CNBD1: variants seen among roughly 807,000 people sequenced by gnomAD.
CNBD1 encodes the protein cyclic nucleotide-binding domain-containing protein 1.
In CNBD1, 71 loss-of-function variants were observed where a neutral mutation model predicts 54.4. That is an observed-to-expected ratio of 1.30 (90% CI 1.08 to 1.59). The LOEUF (loss-of-function observed/expected upper bound fraction) is 1.59. Ranked by LOEUF, CNBD1 falls within the 40% of genes most tolerant of loss-of-function variation. The pLI is 0.00. For missense variants in CNBD1, 659 were observed against 518.0 expected (o/e 1.27, Z -2.64); for synonymous variants, 182 against 170.7 (o/e 1.07, Z -0.51).
At chr8:87,146,072 C>A (rs1028397373) in intron 4 of CNBD1, among the ~76,000 whole-genome samples, 12 of 152,018 alleles carry the variant, frequency 7.9e-5, no homozygotes, top group African/African-American at 2.2e-4. Context: ...TTTTCGAATT[C>A]TTTTTCAATA....
intron 3 of CNBD1, among the ~76,000 whole-genome samples, chr8:86,933,889 A>G (rs777233087): frequency 1.3e-5 from 2 of 152,152 alleles, no homozygotes; most frequent in Non-Finnish European, 2.9e-5. Flanking sequence ...ACATTATTTT[A>G]TGTATCTCTA....
chr8:87,060,661 G>A (rs773751006), intron 4 of CNBD1, among the ~76,000 whole-genome samples: 2 of 152,098 alleles, frequency 1.3e-5, no homozygotes, highest in African/African-American at 2.4e-5. Context: ...CTAAGCTTGA[G>A]AGTGATAAAA....
At chr8:86,910,644 CAT>C (rs1183709563) in intron 3 of CNBD1, among the ~76,000 whole-genome samples, 5 of 152,104 alleles carry the variant, frequency 3.3e-5, no homozygotes, top group South Asian at 2.1e-4. Flanking sequence ...TAAGAAAAGA[CAT>C]AGATTTTTAA....
chr8:87,232,844 T>C lies in CNBD1; in HGVS notation c.578-4075T>C, dbSNP rs62528061. On this transcript the variant is annotated intron_variant, in intron 5 of 10. Transcript: ENST00000518476. ...TGAAGAAACTAAAAGAGAAGAGTCA[T>C]GTGAGATATTTGAATATTTATGCTT... Among the ~76,000 whole-genome samples, 1,209 of 152,240 alleles carry C rather than the reference T, an allele frequency of 7.9e-3. 6 individuals are homozygous for C. Among genetic ancestry groups the C allele is most frequent in the Non-Finnish European group, 0.014 (948 of 67,976 alleles).
chr8:87,390,439 C>G (rs1811284211), intron 2 of CNBD1, among the ~76,000 whole-genome samples: 1 of 152,140 alleles, frequency 6.6e-6, no homozygotes. Flanking sequence ...AGGATATGAA[C>G]AGACACTTCT....
At chr8:87,265,931 G>A (rs1808247278) in intron 6 of CNBD1, among the ~76,000 whole-genome samples, 1 of 151,954 alleles carries the variant, frequency 6.6e-6, no homozygotes, top group African/African-American at 2.4e-5. Flanking sequence ...AAAATTCCCA[G>A]AAACTTAGGT....
intron 6 of CNBD1, among the ~76,000 whole-genome samples, chr8:87,245,835 C>T (rs1310488939): frequency 6.6e-6 from 1 of 151,800 alleles, no homozygotes; most frequent in East Asian, 1.9e-4. Context: ...GATATTCTCA[C>T]TTTATCATTC....
intron 2 of CNBD1, among the ~76,000 whole-genome samples, chr8:87,409,725 G>A (rs111448038): frequency 0.015 from 2,281 of 152,116 alleles, 59 homozygotes; most frequent in African/African-American, 0.049. Flanking sequence ...TAAGAATTAA[G>A]CTAAGGAATT....
intron 4 of CNBD1, among the ~76,000 whole-genome samples, chr8:87,168,643 GT>G (rs764894515): frequency 2.0e-5 from 3 of 151,624 alleles, no homozygotes; most frequent in African/African-American, 7.3e-5. Context: ...GAGTTCAATT[GT>G]TTTGATTTTT....
At chr8:86,973,211 T>C (rs1045297866) in intron 4 of CNBD1, among the ~76,000 whole-genome samples, 5 of 152,228 alleles carry the variant, frequency 3.3e-5, no homozygotes, top group Non-Finnish European at 5.9e-5. Context: ...CTATTTCATG[T>C]GCCTGTGCTA....
chr8:86,895,208 C>G (rs899433794), intron 2 of CNBD1, among the ~76,000 whole-genome samples: 2 of 151,776 alleles, frequency 1.3e-5, no homozygotes, highest in African/African-American at 4.8e-5. Context: ...GCTTCCTTCA[C>G]TAAACAATAT....
At chr8:86,998,209 GTT>G (rs34866172) in intron 4 of CNBD1, among the ~76,000 whole-genome samples, 5 of 142,214 alleles carry the variant, frequency 3.5e-5, no homozygotes, top group African/African-American at 1.0e-4. Flanking sequence ...GTGTGTTTCT[GTT>G]TTTTTTTTTT....
chr8:87,303,579 A>T (rs1469531144), intron 8 of CNBD1, among the ~76,000 whole-genome samples: 4 of 152,316 alleles, frequency 2.6e-5, no homozygotes, highest in Admixed American at 2.6e-4. Flanking sequence ...AGGCATGGGC[A>T]AGGTCTTCAT....
chr8:86,874,367 G>A (rs1399705199), intron 1 of CNBD1, among the ~76,000 whole-genome samples: 1 of 152,062 alleles, frequency 6.6e-6, no homozygotes, highest in Non-Finnish European at 1.5e-5. Context: ...AGACATCTTT[G>A]TCAGCAATAT....
intron 2 of CNBD1, among the ~76,000 whole-genome samples, chr8:87,412,920 C>T (rs779739158): frequency 5.9e-5 from 9 of 151,990 alleles, no homozygotes; most frequent in East Asian, 1.9e-4. Context: ...ATGAATTTGT[C>T]TCAGGGTAGG....
chr8:87,328,919 A>G (rs1035769719), intron 8 of CNBD1, among the ~76,000 whole-genome samples: 8 of 152,064 alleles, frequency 5.3e-5, no homozygotes, highest in Admixed American at 1.3e-4. Flanking sequence ...AATCTTGTCA[A>G]TTATTTCTTG....
chr8:87,409,848 C>A (rs1807710543), intron 2 of CNBD1, among the ~76,000 whole-genome samples: 1 of 151,906 alleles, frequency 6.6e-6, no homozygotes, highest in African/African-American at 2.4e-5. Flanking sequence ...CACAGTGAAA[C>A]CCCATCTCTA....
chr8:87,205,386 C>T (rs977862816), intron 4 of CNBD1, among the ~76,000 whole-genome samples: 1 of 152,210 alleles, frequency 6.6e-6, no homozygotes, highest in Non-Finnish European at 1.5e-5. Flanking sequence ...TCCTTTGAGA[C>T]ATCAGATTGA....
intron 4 of CNBD1, among the ~76,000 whole-genome samples, chr8:86,955,360 C>A (rs997621760): frequency 6.6e-6 from 1 of 151,992 alleles, no homozygotes; most frequent in Non-Finnish European, 1.5e-5. Context: ...TAATGGGATG[C>A]CTGGGTCAAA....
Sources: allele counts gnomAD v4.1 joint callset (sites outside exome capture counted in the v4.1 genomes callset), GRCh38; gene constraint gnomAD v4.1.1; transcripts MANE v1.5; gene names NCBI Gene and HGNC (gene_info 2026-07-23, HGNC 2026-07-21).